Variants in SBF1 observed in about 807,000 individuals in gnomAD.
The protein encoded by SBF1 is SET binding factor 1, also known as myotubularin-related protein 5.
A neutral mutation model predicts 215.8 loss-of-function variants in SBF1; 65 were observed. That is an observed-to-expected ratio of 0.30 (90% CI 0.25 to 0.37). The LOEUF is 0.37. Ranked by LOEUF, SBF1 falls within the 10% of genes least tolerant of loss-of-function variation. The probability of loss-of-function intolerance (pLI) is 1.00; values close to 1 mark genes in which losing one functional copy is unlikely to be tolerated. For missense variants in SBF1, 2,634 were observed against 2,667.8 expected, an observed-to-expected ratio of 0.99 and a Z score of 0.28; for synonymous variants, 1,410 against 1,122.8, an observed-to-expected ratio of 1.26 and a Z score of -5.11.
intron 28 of SBF1, among the ~76,000 whole-genome samples, 196 bp downstream of exon 28, chr22:50,459,059 T>C (rs1264957290): frequency 1.3e-5 from 2 of 151,998 alleles, no homozygotes; most frequent in African/African-American, 4.8e-5. Flanking sequence ...ACACACCTGG[T>C]CTGGGCACAC....
intron 15 of SBF1, among the ~76,000 whole-genome samples, chr22:50,464,067 A>T (rs1285406901): frequency 6.6e-6 from 1 of 152,246 alleles, no homozygotes; most frequent in Admixed American, 6.5e-5. Context: ...CAGACGAAAC[A>T]TAATAGTGAA....
intron 1 of SBF1, among the ~76,000 whole-genome samples, chr22:50,472,645 G>A (rs2068037161): frequency 6.6e-6 from 1 of 152,200 alleles, no homozygotes; most frequent in African/African-American, 2.4e-5. Context: ...GGAAACTGAG[G>A]CACAGAGAGC....
intron 1 of SBF1, among the ~76,000 whole-genome samples, chr22:50,473,463 C>T (rs535588138): frequency 7.2e-5 from 11 of 152,148 alleles, no homozygotes; most frequent in South Asian, 2.1e-4. Context: ...TCCTAGCAAG[C>T]GAGAACTCCC....
chr22:50,446,715 C>A lies in SBF1; in HGVS notation c.*427G>T. 1 of 419,036 alleles carries A rather than the reference C, an allele frequency of 2.4e-6. No homozygotes were observed. 26.0% of individuals were successfully genotyped at this position (419,036 alleles called of 1,614,324 possible). On this transcript the variant is annotated 3_prime_UTR_variant, in exon 41 of 41. Coordinates refer to ENST00000380817, the MANE Select transcript of SBF1 (RefSeq NM_002972.4). ...GGCTCACGAGAAAGATGCCAACCTCCCGCCAGGTGGGCCTGGATAGGGGCA... is the reference window on the plus strand; with the variant it reads ...GGCTCACGAGAAAGATGCCAACCTCACGCCAGGTGGGCCTGGATAGGGGCA...
At chr22:50,458,320 A>AAC (rs1556422198) in intron 28 of SBF1, among the ~76,000 whole-genome samples, 2,566 of 147,376 alleles carry the variant, frequency 0.017, 87 homozygotes, top group African/African-American at 0.059. Context: ...AAAAAAAAAA[A>AAC]AAAGGTCAGG....
chr22:50,459,939 G>T lies in SBF1; in HGVS notation c.3491+13C>A. The T allele has an allele frequency of 6.2e-7, 1 of 1,613,150 alleles. No homozygotes were observed. The stretch of plus-strand genomic sequence containing the variant: ...CGTGTCCACCACCCGGGCCAGCCCT[G>T]GCCGGCCCTCACCTGCGGCAGATGG... On this transcript the variant is annotated intron_variant, in intron 26 of 40. Coordinates refer to ENST00000380817, the MANE Select transcript of SBF1 (RefSeq NM_002972.4).
In SBF1 at chr22:50,464,670, C is replaced by T; in HGVS notation, c.1500G>A (p.Arg500=). The change falls in exon 14 of 41, where the codon CGG becomes CGA. Residue 500 remains arginine (R), a synonymous_variant. Transcript: ENST00000380817. ...QRPGESSHLR[R]VPRPFPRLDE... is the part of the protein sequence containing the mutation. ...CCAGCCGGGGGAAGGGTCGGGGCACCCGTCGCAGGTGGCTGCTCTCACCGG... is the reference window on the plus strand; with the variant it reads ...CCAGCCGGGGGAAGGGTCGGGGCACTCGTCGCAGGTGGCTGCTCTCACCGG... 6.2e-7 allele frequency: 1 copy of T among 1,607,874 alleles called. No individual in the cohort carries two copies. The highest frequency in any genetic ancestry group is 8.5e-7 in the Non-Finnish European group (1 of 1,179,718).
chr22:50,456,676 G>C lies in SBF1; in HGVS notation c.3905-3C>G. ...GGTCCGGACACTGCCCCACTTACCT[G>C]TGAAGGAGATGCCAGGTAAGCACCC... is the stretch of plus-strand genomic sequence containing the variant. On this transcript the variant is annotated splice_polypyrimidine_tract_variant and splice_region_variant and intron_variant, in intron 29 of 40. Transcript: ENST00000380817. 6.8e-7 allele frequency: 1 copy of C among 1,468,294 alleles called. No homozygotes were observed. The highest frequency in any genetic ancestry group is 9.0e-7 in the Non-Finnish European group (1 of 1,108,020). The allele number at this position is 1,468,294 out of a possible 1,614,324, so 91.0% of individuals were successfully genotyped here. A position where few individuals can be genotyped will look rare whatever the true frequency, so the allele number is the denominator to read the frequency against.
chr22:50,447,851 G>A (rs1482699472), intron 38 of SBF1, among the ~76,000 whole-genome samples: 2 of 152,218 alleles, frequency 1.3e-5, no homozygotes, highest in Admixed American at 1.3e-4. Context: ...ACACCCTCCA[G>A]ACTCCAGGGA....
rs779676706 is a variant in SBF1, at chr22:50,447,170, C to T, written c.5654G>A (p.Arg1885Gln). 37 of 1,612,946 alleles carry T rather than the reference C, an allele frequency of 2.3e-5. No individual in the cohort carries two copies. Among genetic ancestry groups the T allele is most frequent in the African/African-American group, 9.3e-5 (7 of 74,932 alleles). The change falls in exon 41 of 41, where the codon CGG becomes CAG. Residue 1885 changes from arginine (R) to glutamine (Q), a missense_variant. Transcript: ENST00000380817. Reference sequence around the variant, plus strand: ...GGCGTCCGACAGGCAGCTCTGGATCCGGTCCACCCACTGCTGGGCCGAGGG... The same window carrying T: ...GGCGTCCGACAGGCAGCTCTGGATCTGGTCCACCCACTGCTGGGCCGAGGG... ...DVPSAQQWVD[R>Q]IQSCLSDA
intron 31 of SBF1, 189 bp downstream of exon 31, chr22:50,456,027 G>C: frequency 3.1e-6 from 2 of 640,946 alleles, no homozygotes; most frequent in Non-Finnish European, 5.3e-6. Context: ...CTCACTGTCA[G>C]CTGGCCCCAG....
intron 36 of SBF1, 130 bp downstream of exon 36, chr22:50,454,382 G>T (rs2067162798): frequency 1.2e-6 from 1 of 802,410 alleles, no homozygotes; most frequent in Non-Finnish European, 2.0e-6. Flanking sequence ...GGAGACGGCA[G>T]GGCCACACCA....
Position 50,459,402 on chromosome 22 carries a change from G to C in SBF1, c.3689-10C>G. 6.2e-7 allele frequency: 1 copy of C among 1,611,988 alleles called. No homozygotes were observed. Among genetic ancestry groups the C allele is most frequent in the Non-Finnish European group, 8.5e-7 (1 of 1,179,094 alleles). On this transcript the variant is annotated splice_polypyrimidine_tract_variant and intron_variant, in intron 27 of 40. Transcript: ENST00000380817. ...TCCGCCTGGGACTGGCCTGGGGGAG[G>C]ACACGGAGCTGAGGGAGGGGAGGGT...
chr22:50,466,551 C>G (rs5770840), intron 6 of SBF1, 54 bp downstream of exon 6: 1 of 1,529,086 alleles, frequency 6.5e-7, no homozygotes, highest in Admixed American at 2.0e-5. Flanking sequence ...ACCCACATCC[C>G]TAACTACCAG....
rs188834896 is a variant in SBF1, at chr22:50,465,188, C to T, written c.1203+27G>A. The T allele has an allele frequency of 3.2e-5, 52 of 1,612,964 alleles. No individual in the cohort carries two copies. The Admixed American group carries it at 4.7e-4, about 15-fold the overall frequency. On this transcript the variant is annotated intron_variant, in intron 11 of 40. Transcript: ENST00000380817. ...TCTCCACCATGCGCTTATCTCCTAC[C>T]CCACGCCCAGCCACCAGGCACCCCA...
Position 50,447,254 on chromosome 22 carries a change from G to A in SBF1, c.5584-14C>T. On this transcript the variant is annotated splice_polypyrimidine_tract_variant and intron_variant, in intron 40 of 40. Transcript: ENST00000380817. Reference sequence around the variant, plus strand: ...CGTTGTCTTCACCTGGGGAAGGGCGGGTTACTGACTCCGCAGCCCCCACAC... The same window carrying A: ...CGTTGTCTTCACCTGGGGAAGGGCGAGTTACTGACTCCGCAGCCCCCACAC... The A allele has an allele frequency of 2.5e-6, 4 of 1,613,748 alleles. No homozygotes were observed. In the South Asian group the frequency reaches 4.4e-5, roughly 18 times the overall value.
rs765075044 is a variant in SBF1, at chr22:50,463,389, C to T, written c.1793G>A (p.Arg598His). ...VLRALKGRAA[R>H]RCLAQELHLH... The stretch of plus-strand genomic sequence containing the variant: ...GTGCAGCTCCTGGGCGAGGCAGCGG[C>T]GGGCAGCTCGCCCCTTCAGGGCCCT... Residue 598 changes from arginine (R) to histidine (H), a missense_variant, in exon 16 of 41, where the codon CGC becomes CAC. Physicochemically the swap from Arg to His is conservative, Grantham distance 29. Transcript: ENST00000380817. The T allele has an allele frequency of 1.9e-5, 31 of 1,593,996 alleles. No individual in the cohort carries two copies. The highest frequency in any genetic ancestry group is 1.3e-4 in the South Asian group (12 of 88,956).
At chr22:50,450,945 A>T (rs2067021215) in intron 36 of SBF1, among the ~76,000 whole-genome samples, 1 of 152,152 alleles carries the variant, frequency 6.6e-6, no homozygotes, top group African/African-American at 2.4e-5. Flanking sequence ...CCATCTTTAT[A>T]TATATTTTTA....
rs759353918 is a variant in SBF1 at position 50,462,574 on chromosome 22, G to C, written c.2112C>G (p.Asp704Glu). The C allele has an allele frequency of 1.3e-5, 21 of 1,611,848 alleles. No individual in the cohort carries two copies. Among genetic ancestry groups the C allele is most frequent in the Middle Eastern group, 1.7e-4 (1 of 6,050 alleles). Reference sequence around the variant, plus strand: ...CCCTGCGCACCTGGGCGGGGGCCAGGTCCTCCGTGGGCTCCAGGTAGAGGG... The same window carrying C: ...CCCTGCGCACCTGGGCGGGGGCCAGCTCCTCCGTGGGCTCCAGGTAGAGGG... ...IRALYLEPTE[D>E]LAPAQEVGEA... The change falls in exon 18 of 41, where the codon GAC becomes GAG. Residue 704 changes from aspartate (D) to glutamate (E), a missense_variant. By Grantham distance (45) the Asp-to-Glu change is conservative (BLOSUM62 2). Coordinates refer to ENST00000380817, the MANE Select transcript of SBF1 (RefSeq NM_002972.4).
Sources: allele counts gnomAD v4.1 joint callset (sites outside exome capture counted in the v4.1 genomes callset), GRCh38; gene constraint gnomAD v4.1.1; transcripts MANE v1.5; gene names NCBI Gene and HGNC (gene_info 2026-07-23, HGNC 2026-07-21).